HNF4G: variants seen among roughly 807,000 people sequenced by gnomAD.
HNF4G encodes the protein hepatocyte nuclear factor 4 gamma, also known as hepatocyte nuclear factor 4-gamma.
A neutral mutation model predicts 50.9 loss-of-function variants in HNF4G; 21 were observed. That is an observed-to-expected ratio of 0.41 (90% confidence interval 0.29 to 0.59). The LOEUF (loss-of-function observed/expected upper bound fraction) is 0.59, where lower values mean the gene tolerates loss of function less well. HNF4G is among the 20% of genes least tolerant of loss of function. HNF4G has a pLI of 0.26. For synonymous variants in HNF4G, 198 were observed against 185.6 expected (o/e 1.07, Z -0.54); for missense variants, 527 against 559.4 (o/e 0.94, Z 0.58).
intron 1 of HNF4G, among the ~76,000 whole-genome samples, chr8:75,427,698 G>A (rs959293858): frequency 7.2e-5 from 11 of 152,034 alleles, no homozygotes; most frequent in Non-Finnish European, 1.6e-4. Context: ...TAGTATAATA[G>A]GTTAAATTGT....
intron 1 of HNF4G, among the ~76,000 whole-genome samples, chr8:75,424,471 A>G (rs956697264): frequency 6.6e-6 from 1 of 152,096 alleles, no homozygotes; most frequent in Non-Finnish European, 1.5e-5. Flanking sequence ...TTGGGCTTCT[A>G]TTGATCCCAT....
chr8:75,537,552 CT>C (rs1171315823), upstream of HNF4G, among the ~76,000 whole-genome samples: 3 of 151,230 alleles, frequency 2.0e-5, no homozygotes, highest in Non-Finnish European at 4.4e-5. Context: ...GGCTAAAAGA[CT>C]TTTTTTTTCC....
chr8:75,511,829 C>T (rs541826749), intron 2 of HNF4G, among the ~76,000 whole-genome samples: 6 of 152,198 alleles, frequency 3.9e-5, no homozygotes, highest in Admixed American at 6.5e-5. Context: ...CCACCCGCCT[C>T]GGCCTCCCAG....
intron 2 of HNF4G, among the ~76,000 whole-genome samples, chr8:75,528,208 A>AC (rs1338415586): frequency 1.3e-5 from 2 of 152,162 alleles, no homozygotes; most frequent in Non-Finnish European, 2.9e-5. Context: ...ATGTCTTGGT[A>AC]CTAGTGGCAT....
intron 1 of HNF4G, among the ~76,000 whole-genome samples, chr8:75,488,010 T>G (rs117632840): frequency 6.6e-6 from 1 of 152,150 alleles, no homozygotes; most frequent in Non-Finnish European, 1.5e-5. Flanking sequence ...GAGAATAGCA[T>G]GAGGGTAACC....
At chr8:75,419,682 C>T (rs1328503577) in intron 1 of HNF4G, among the ~76,000 whole-genome samples, 3 of 152,234 alleles carry the variant, frequency 2.0e-5, no homozygotes, top group Admixed American at 6.5e-5. Flanking sequence ...CGCCCACCAA[C>T]ACTTCAATGT....
intron 1 of HNF4G, among the ~76,000 whole-genome samples, chr8:75,445,692 CA>C (rs1298170041): frequency 1.5e-5 from 2 of 129,962 alleles, no homozygotes; most frequent in Non-Finnish European, 3.1e-5. Flanking sequence ...GAAATGGATA[CA>C]TTCCTCGACA....
intron 1 of HNF4G, among the ~76,000 whole-genome samples, chr8:75,488,831 G>A (rs1585888594): frequency 6.6e-6 from 1 of 152,046 alleles, no homozygotes; most frequent in Non-Finnish European, 1.5e-5. Flanking sequence ...CTATTAAAAA[G>A]TATGAAAAGG....
upstream of HNF4G, among the ~76,000 whole-genome samples, chr8:75,539,668 G>T (rs1176510816): frequency 2.0e-5 from 3 of 151,962 alleles, no homozygotes; most frequent in East Asian, 5.8e-4. Context: ...ATTGTCTACT[G>T]GAAATCAATT....
At chr8:75,413,572 TAAA>T (rs200492419) in intron 1 of HNF4G, among the ~76,000 whole-genome samples, 1 of 151,460 alleles carries the variant, frequency 6.6e-6, no homozygotes, top group African/African-American at 2.4e-5. Flanking sequence ...GGGATACCTA[TAAA>T]AAAAAATTAT....
intron 1 of HNF4G, among the ~76,000 whole-genome samples, chr8:75,414,983 C>A (rs1252620794): frequency 1.3e-5 from 2 of 152,188 alleles, no homozygotes; most frequent in African/African-American, 4.8e-5. Context: ...TTTTACATTC[C>A]CACCAGTAGG....
chr8:75,426,165 A>AT (rs1810886948), intron 1 of HNF4G, among the ~76,000 whole-genome samples: 1 of 151,914 alleles, frequency 6.6e-6, no homozygotes, highest in Non-Finnish European at 1.5e-5. Context: ...CTATATAACT[A>AT]TTTTTTCACA....
intron 2 of HNF4G, among the ~76,000 whole-genome samples, chr8:75,518,702 C>A (rs1402237244): frequency 6.6e-6 from 1 of 152,092 alleles, no homozygotes. Context: ...AGTCCCAAGA[C>A]TGCACAAAGC....
At chr8:75,562,157 T>C (rs1807330364) in intron 9 of HNF4G, among the ~76,000 whole-genome samples, 1 of 152,048 alleles carries the variant, frequency 6.6e-6, no homozygotes, top group Admixed American at 6.6e-5. Context: ...CTTCCAAATG[T>C]TGTATGCAAT....
chr8:75,484,806 A>G (rs1165220344), intron 1 of HNF4G, among the ~76,000 whole-genome samples: 1 of 152,218 alleles, frequency 6.6e-6, no homozygotes. Flanking sequence ...AGTGAATTGC[A>G]AGGCACTCTC....
At chr8:75,455,218 T>C (rs1253307470) in intron 1 of HNF4G, among the ~76,000 whole-genome samples, 1 of 152,166 alleles carries the variant, frequency 6.6e-6, no homozygotes, top group Admixed American at 6.5e-5. Context: ...TAGATTATCA[T>C]AGTCTTTTTG....
chr8:75,563,423 T>G (rs995852668), intron 9 of HNF4G, among the ~76,000 whole-genome samples: 6 of 98,964 alleles, frequency 6.1e-5, no homozygotes, highest in Non-Finnish European at 1.0e-4. Flanking sequence ...ATAGAATAAT[T>G]TTGAAGCAAA....
chr8:75,520,534 C>G (rs903562015), intron 2 of HNF4G, among the ~76,000 whole-genome samples: 7 of 151,976 alleles, frequency 4.6e-5, no homozygotes, highest in African/African-American at 7.3e-5. Context: ...ACCTCCTGGG[C>G]TCAAGCAATA....
rs1451798994 is a variant in HNF4G, at chr8:75,564,525, T to C, written c.*429T>C. On this transcript the variant is annotated 3_prime_UTR_variant, in exon 10 of 10. Transcript: ENST00000396423. ...ATAAAATGAGCTAAGTTTTTAAAAA[T>C]AAATTATAAACTTGGAGATTAGAAA... 1 of 153,374 alleles carries C rather than the reference T, an allele frequency of 6.5e-6. No individual in the cohort carries two copies. The allele number at this position is 153,374 out of a possible 1,614,324, so 9.5% of individuals were successfully genotyped here. A position where few individuals can be genotyped will look rare whatever the true frequency, so the allele number is the denominator to read the frequency against.
Sources: allele counts gnomAD v4.1 joint callset (sites outside exome capture counted in the v4.1 genomes callset), GRCh38; gene constraint gnomAD v4.1.1; transcripts MANE v1.5; gene names NCBI Gene and HGNC (gene_info 2026-07-23, HGNC 2026-07-21).